CERK: variants seen among roughly 807,000 people sequenced by gnomAD.
The protein encoded by CERK is ceramide kinase, also known as acylsphingosine kinase.
Under a neutral mutation model 63.4 loss-of-function variants are expected in CERK, and 39 were observed. That is an observed-to-expected ratio of 0.61 (90% CI 0.48 to 0.80). CERK has a LOEUF of 0.80. Ranked by LOEUF, CERK falls within the 30% of genes least tolerant of loss-of-function variation. CERK has a pLI of 0.00. For synonymous variants in CERK, 302 were observed against 280.0 expected (o/e 1.08, Z -0.78); for missense variants, 670 against 714.1 (o/e 0.94, Z 0.70).
chr22:46,736,676 G>T (rs541871471), intron 1 of CERK, among the ~76,000 whole-genome samples: 2 of 152,182 alleles, frequency 1.3e-5, no homozygotes, highest in Non-Finnish European at 2.9e-5. Flanking sequence ...CCTTAGGAAA[G>T]TCAAGTCTCA....
chr22:46,713,099 T>C (rs963372815), intron 3 of CERK, among the ~76,000 whole-genome samples: 13 of 152,094 alleles, frequency 8.5e-5, no homozygotes, highest in African/African-American at 2.7e-4. Flanking sequence ...ATTTCTGTTT[T>C]GGTGGGTTCA....
At chr22:46,722,958 G>C (rs1465673126) in intron 1 of CERK, among the ~76,000 whole-genome samples, 1 of 152,206 alleles carries the variant, frequency 6.6e-6, no homozygotes, top group Non-Finnish European at 1.5e-5. Flanking sequence ...GGGAGAGGCA[G>C]AGGCCGCTGG....
chr22:46,690,435 G>A (rs1247540708), intron 11 of CERK, among the ~76,000 whole-genome samples: 1 of 151,786 alleles, frequency 6.6e-6, no homozygotes, highest in Non-Finnish European at 1.5e-5. Flanking sequence ...CTTCCCCGGC[G>A]CCTACCTTCC....
intron 7 of CERK, among the ~76,000 whole-genome samples, chr22:46,701,047 T>C (rs935364188): frequency 6.6e-6 from 1 of 151,522 alleles, no homozygotes; most frequent in East Asian, 1.9e-4. Context: ...TATTTTAAAA[T>C]ATACAGTTTC....
intron 9 of CERK, chr22:46,693,961 G>A (rs1056017496): frequency 2.9e-5 from 5 of 172,704 alleles, no homozygotes; most frequent in Admixed American, 2.4e-4. Context: ...CGTCTAGCAC[G>A]TCCTTCTGAT....
chr22:46,734,784 G>A (rs1045178460), intron 1 of CERK, among the ~76,000 whole-genome samples: 10 of 152,156 alleles, frequency 6.6e-5, no homozygotes, highest in Non-Finnish European at 1.2e-4. Context: ...TATTAATCAC[G>A]TCTAAGTCGA....
At chr22:46,717,042 A>G (rs945437505) in intron 3 of CERK, among the ~76,000 whole-genome samples, 1 of 152,210 alleles carries the variant, frequency 6.6e-6, no homozygotes, top group African/African-American at 2.4e-5. Flanking sequence ...ACAAAAGGCG[A>G]TATCTGAATG....
Position 46,691,880 on chromosome 22 carries a change from A to G in CERK, c.1127-103T>C, listed in dbSNP as rs1685626576. The G allele has an allele frequency of 6.3e-6, 4 of 636,546 alleles. No individual in the cohort carries two copies. The Admixed American group carries it at 8.9e-5, about 14-fold the overall frequency. 39.4% of individuals were successfully genotyped at this position (636,546 alleles called of 1,614,324 possible). ...CATTCGGGCTCTCACCTGCTCATGC[A>G]TTTAGCAGACACTTCATGCAATCGA... On this transcript the variant is annotated intron_variant, in intron 10 of 12. Transcript: ENST00000216264.
rs2082700200 is a variant in CERK at position 46,686,187 on chromosome 22, AATAAAT to A, written c.*941_*946del. 6.6e-6 allele frequency: 1 copy of A among 152,188 alleles called. No individual in the cohort carries two copies. Among genetic ancestry groups the A allele is most frequent in the Admixed American group, 6.5e-5 (1 of 15,282 alleles). The allele number at this position is 152,188 out of a possible 1,614,324, so 9.4% of individuals were successfully genotyped here. A position where few individuals can be genotyped will look rare whatever the true frequency, so the allele number is the denominator to read the frequency against. On this transcript the variant is annotated 3_prime_UTR_variant, in exon 13 of 13. Transcript: ENST00000216264. ...TCTGGCTTAAAAGGACAAGATGTTC[AATAAAT>A]ATAGAGAACTCAGTGTGAAGAAAAG...
At chr22:46,699,098 GTC>G (rs944026822) in intron 8 of CERK, among the ~76,000 whole-genome samples, 1 of 151,888 alleles carries the variant, frequency 6.6e-6, no homozygotes, top group Non-Finnish European at 1.5e-5. Flanking sequence ...TTATGCTTGG[GTC>G]CAGGGGGCAG....
intron 1 of CERK, among the ~76,000 whole-genome samples, chr22:46,737,414 TCTC>T (rs2082980155): frequency 6.6e-6 from 1 of 152,130 alleles, no homozygotes; most frequent in South Asian, 2.1e-4. Flanking sequence ...AAGTCACTCT[TCTC>T]CTCATCCGGA....
intron 11 of CERK, 145 bp from the exon 12 acceptor site, chr22:46,690,345 GC>G (rs2082724371): frequency 4.9e-6 from 3 of 606,770 alleles, no homozygotes; most frequent in Non-Finnish European, 2.8e-6. Context: ...GCTTGTGCAG[GC>G]CCCTGGAGTT....
At chr22:46,716,570 A>C (rs2082867570) in intron 3 of CERK, among the ~76,000 whole-genome samples, 1 of 152,050 alleles carries the variant, frequency 6.6e-6, no homozygotes, top group Non-Finnish European at 1.5e-5. Context: ...TAATTACATA[A>C]ATTTATGTAA....
intron 4 of CERK, 105 bp from the exon 5 acceptor site, chr22:46,711,254 G>A: frequency 1.2e-6 from 1 of 827,168 alleles, no homozygotes; most frequent in Non-Finnish European, 2.1e-6. Flanking sequence ...AACACCTTCA[G>A]GCGGATTTCC....
At chr22:46,729,121 G>C (rs1471210500) in intron 1 of CERK, among the ~76,000 whole-genome samples, 1 of 152,224 alleles carries the variant, frequency 6.6e-6, no homozygotes, top group Non-Finnish European at 1.5e-5. Flanking sequence ...CCAGCACTTT[G>C]GGAGGCTGAA....
chr22:46,713,448 G>C (rs539180173), intron 3 of CERK, among the ~76,000 whole-genome samples: 1 of 145,002 alleles, frequency 6.9e-6, no homozygotes, highest in African/African-American at 2.5e-5. Flanking sequence ...GGCGGAGCTG[G>C]CAGTGAGCCA....
chr22:46,724,494 C>A (rs911015603), intron 1 of CERK, among the ~76,000 whole-genome samples: 8 of 152,092 alleles, frequency 5.3e-5, no homozygotes, highest in Admixed American at 4.6e-4. Context: ...TGGAGTGGTG[C>A]GGCCATGGTG....
intron 6 of CERK, 41 bp downstream of exon 6, chr22:46,707,802 C>T (rs747196894): frequency 1.7e-5 from 26 of 1,572,154 alleles, no homozygotes; most frequent in Non-Finnish European, 2.1e-5. Flanking sequence ...TTCCTAAGGA[C>T]GGGAACGAAG....
chr22:46,692,189 G>C (rs1323505352), intron 10 of CERK, among the ~76,000 whole-genome samples: 1 of 152,188 alleles, frequency 6.6e-6, no homozygotes, highest in Non-Finnish European at 1.5e-5. Flanking sequence ...CACTTTGGGA[G>C]GCCGAGGCGG....
Sources: gnomAD v4.1 joint callset for allele counts (sites outside exome capture counted in the v4.1 genomes callset) on GRCh38, gnomAD v4.1.1 for gene constraint, MANE v1.5 for transcripts, NCBI Gene and HGNC (gene_info 2026-07-23, HGNC 2026-07-21) for gene names.